Variants in CTPS1 observed in about 807,000 individuals in gnomAD.
CTPS1 encodes the protein CTP synthase 1.
A neutral mutation model predicts 80.5 loss-of-function variants in CTPS1; 25 were observed. The observed-to-expected ratio is 0.31, with a 90% CI of 0.23 to 0.43. The LOEUF is 0.43. Ranked by LOEUF, CTPS1 falls within the 20% of genes least tolerant of loss-of-function variation. CTPS1 has a pLI of 1.00. For synonymous variants in CTPS1, 267 were observed against 252.5 expected (o/e 1.06, Z -0.54); for missense variants, 442 against 725.7 (o/e 0.61, Z 4.49).
rs1386879834 is a variant in CTPS1 at position 40,984,728 on chromosome 1, A to T, written c.167-93A>T. The T allele has an allele frequency of 3.0e-6, 3 of 1,004,622 alleles. No individual in the cohort carries two copies. The East Asian group carries it at 8.4e-5, about 28-fold the overall frequency. 62.2% of individuals were successfully genotyped at this position (1,004,622 alleles called of 1,614,324 possible). A position where few individuals can be genotyped will look rare whatever the true frequency, so the allele number is the denominator to read the frequency against. On this transcript the variant is annotated intron_variant, in intron 2 of 18. Coordinates refer to ENST00000650070, the MANE Select transcript of CTPS1 (RefSeq NM_001905.4). ...TGTGCTTCCTATTACGTAATTGCAC[A>T]CCTTGTTAATGAGTGTTTTATTTCA...
intron 14 of CTPS1, among the ~76,000 whole-genome samples, chr1:41,008,189 A>G (rs1643082069): frequency 6.6e-6 from 1 of 152,228 alleles, no homozygotes. Context: ...TCAGTAGAGC[A>G]GCCCGTTCGC....
At chr1:41,002,326 A>G in intron 11 of CTPS1, 72 bp downstream of exon 11, 3 of 1,226,366 alleles carry the variant, frequency 2.4e-6, no homozygotes, top group East Asian at 4.7e-5. Flanking sequence ...GTGGGAGCCT[A>G]TGAACAAAGT....
chr1:41,009,674 G>A, intron 17 of CTPS1, 85 bp downstream of exon 17: 1 of 1,517,918 alleles, frequency 6.6e-7, no homozygotes, highest in Non-Finnish European at 9.0e-7. Flanking sequence ...ACACGTCACA[G>A]TCAGTCATAA....
At chr1:40,987,758 C>T (rs1642492596) in intron 4 of CTPS1, among the ~76,000 whole-genome samples, 1 of 152,154 alleles carries the variant, frequency 6.6e-6, no homozygotes, top group Non-Finnish European at 1.5e-5. Context: ...TTGAGCAAGT[C>T]AGCAGATCTT....
At position 40,995,873 on chromosome 1, in the gene CTPS1, G is replaced by T. The variant is rs1390352519; in HGVS notation, c.721-44G>T. ...TAGCTAGTAGGAGGCTGTAAGCCTG[G>T]TGAGTTTTTGCTTTTATTTAATAAC... On this transcript the variant is annotated intron_variant, in intron 7 of 18. Coordinates refer to ENST00000650070, the MANE Select transcript of CTPS1 (RefSeq NM_001905.4). 3 of 1,594,096 alleles carry T rather than the reference G, an allele frequency of 1.9e-6. No homozygotes were observed. In the Admixed American group the frequency reaches 5.2e-5, roughly 27 times the overall value.
At chr1:40,989,461 A>G (rs1186238602) in intron 5 of CTPS1, among the ~76,000 whole-genome samples, 1 of 152,154 alleles carries the variant, frequency 6.6e-6, no homozygotes, top group African/African-American at 2.4e-5. Context: ...AGGTTGTAAG[A>G]TTGTCTTCTG....
chr1:40,995,781 T>C, intron 7 of CTPS1, 136 bp from the exon 8 acceptor site: 1 of 772,020 alleles, frequency 1.3e-6, no homozygotes, highest in Non-Finnish European at 2.0e-6. Flanking sequence ...GAGTCTGTTT[T>C]AGTAGTTTAT....
chr1:40,983,166 T>A, intron 1 of CTPS1, 112 bp from the exon 2 acceptor site: 1 of 813,662 alleles, frequency 1.2e-6, no homozygotes, highest in South Asian at 2.1e-5. Context: ...ACAGAGAAAC[T>A]GAGGCTTCAA....
chr1:41,002,046 A>G lies in CTPS1; in HGVS notation c.1095-114A>G, dbSNP rs148895790. 8.4e-5 allele frequency: 73 copies of G among 868,798 alleles called. No individual in the cohort carries two copies. The African/African-American group carries it at 1.1e-3, about 13-fold the overall frequency. 53.8% of individuals were successfully genotyped at this position (868,798 alleles called of 1,614,324 possible). A position where few individuals can be genotyped will look rare whatever the true frequency, so the allele number is the denominator to read the frequency against. ...TACAATTCATTGTCACAGTAGCACA[A>G]TGTATGGGGTTAATTCATGGCTTCA... On this transcript the variant is annotated intron_variant, in intron 10 of 18. Transcript: ENST00000650070.
intron 16 of CTPS1, among the ~76,000 whole-genome samples, chr1:41,009,097 A>C (rs1425885326): frequency 6.6e-6 from 1 of 152,140 alleles, no homozygotes; most frequent in Non-Finnish European, 1.5e-5. Flanking sequence ...GAGCCATTTA[A>C]CTTCTGGCCG....
intron 12 of CTPS1, among the ~76,000 whole-genome samples, chr1:41,005,268 A>C (rs1016936527): frequency 2.5e-4 from 38 of 151,948 alleles, no homozygotes; most frequent in African/African-American, 9.2e-4. Context: ...AACATGGAGA[A>C]ACCCCGTCTC....
At chr1:40,991,004 T>A (rs1642593147) in intron 5 of CTPS1, among the ~76,000 whole-genome samples, 161 bp from the exon 6 acceptor site, 1 of 152,184 alleles carries the variant, frequency 6.6e-6, no homozygotes, top group African/African-American at 2.4e-5. Context: ...CATTTGATTC[T>A]AAAATGCATG....
intron 12 of CTPS1, among the ~76,000 whole-genome samples, chr1:41,005,549 C>G (rs1643012674): frequency 6.6e-6 from 1 of 151,828 alleles, no homozygotes; most frequent in Non-Finnish European, 1.5e-5. Context: ...GATTGACTTT[C>G]CAGAGAGTTA....
intron 1 of CTPS1, 88 bp from the exon 2 acceptor site, chr1:40,983,190 T>C: frequency 9.0e-7 from 1 of 1,110,912 alleles, no homozygotes; most frequent in East Asian, 2.5e-5. Flanking sequence ...GGTTCATAGC[T>C]AATAATTGGC....
intron 12 of CTPS1, among the ~76,000 whole-genome samples, chr1:41,005,688 C>A (rs1643016307): frequency 1.3e-5 from 2 of 152,114 alleles, no homozygotes; most frequent in Admixed American, 6.6e-5. Context: ...AGGAGGATTG[C>A]TTGAGCCCAG....
intron 11 of CTPS1, among the ~76,000 whole-genome samples, chr1:41,002,573 CTG>C (rs1488768646): frequency 6.6e-6 from 1 of 152,210 alleles, no homozygotes; most frequent in East Asian, 1.9e-4. Flanking sequence ...CAACAGCTGA[CTG>C]TAATTGGACA....
chr1:41,009,288 T>C lies in CTPS1; in HGVS notation c.1547-157T>C, dbSNP rs567941611. Among the ~76,000 whole-genome samples, 3 of 152,348 alleles carry C rather than the reference T, an allele frequency of 2.0e-5. No individual in the cohort carries two copies. In the South Asian group the frequency reaches 6.2e-4, roughly 32 times the overall value. ...GTGCTGAGAAAGGGTATCAGATCAC[T>C]CATGCTTTGAGGTTCCCTTTATCTA... On this transcript the variant is annotated intron_variant, in intron 16 of 18. Coordinates refer to ENST00000650070, the MANE Select transcript of CTPS1 (RefSeq NM_001905.4).
intron 6 of CTPS1, 101 bp downstream of exon 6, chr1:40,991,349 A>G (rs918874001): frequency 2.2e-5 from 19 of 855,762 alleles, no homozygotes; most frequent in African/African-American, 1.7e-4. Flanking sequence ...GTTGCTTTTG[A>G]TAATTGATGA....
At chr1:40,980,226 C>T (rs1285141478) in intron 1 of CTPS1, 4 of 151,912 alleles carry the variant, frequency 2.6e-5, no homozygotes, top group African/African-American at 9.7e-5. Flanking sequence ...CGCCCTTGCT[C>T]TTCGTCTGCG....
Sources: allele counts gnomAD v4.1 joint callset (sites outside exome capture counted in the v4.1 genomes callset), GRCh38; gene constraint gnomAD v4.1.1; transcripts MANE v1.5; gene names NCBI Gene and HGNC (gene_info 2026-07-23, HGNC 2026-07-21).